Variants in INPP5F observed in about 807,000 individuals in gnomAD.
INPP5F encodes inositol polyphosphate-5-phosphatase F, also known as phosphatidylinositide 4-phosphatase SAC2.
In INPP5F, 97 loss-of-function variants were observed where a neutral mutation model predicts 137.2. The observed-to-expected ratio is 0.71, with a 90% CI of 0.60 to 0.84. The LOEUF is 0.84. Ranked by LOEUF, INPP5F falls within the 40% of genes least tolerant of loss-of-function variation. The pLI, the probability that INPP5F is intolerant of heterozygous loss-of-function variation, is 0.00. For missense variants in INPP5F, 1,271 were observed against 1,371.9 expected (o/e 0.93, Z 1.16); for synonymous variants, 504 against 476.9 (o/e 1.06, Z -0.74).
Position 119,828,956 on chromosome 10 carries a change from C to T in INPP5F, c.*1176C>T, listed in dbSNP as rs1851883751. 6.6e-6 allele frequency: 1 copy of T among 152,666 alleles called. No homozygotes were observed. Among genetic ancestry groups the T allele is most frequent in the South Asian group, 2.1e-4 (1 of 4,834 alleles). The allele number at this position is 152,666 out of a possible 1,614,324, so 9.5% of individuals were successfully genotyped here. Reference sequence around the variant, plus strand: ...TCCCCACAGTAAGAAAGTTGTATGGCATATTCCAACAAGTATTGGTTCGTC... The same window carrying T: ...TCCCCACAGTAAGAAAGTTGTATGGTATATTCCAACAAGTATTGGTTCGTC... On this transcript the variant is annotated 3_prime_UTR_variant, in exon 20 of 20. Transcript: ENST00000650623.
intron 2 of INPP5F, among the ~76,000 whole-genome samples, chr10:119,756,626 ACT>A (rs1298165600): frequency 2.0e-5 from 3 of 152,226 alleles, no homozygotes; most frequent in East Asian, 3.9e-4. Context: ...ACAGAGCAAG[ACT>A]CTGTCAAAAA....
Position 119,791,513 on chromosome 10 carries a change from T to G in INPP5F, c.316-4T>G. 6.3e-7 allele frequency: 1 copy of G among 1,592,122 alleles called. No individual in the cohort carries two copies. Among genetic ancestry groups the G allele is most frequent in the East Asian group, 2.2e-5 (1 of 44,732 alleles). ...TAACAAATCATCTTTCTCTTCCTATTTAGCTCTGTAAGAAGCATCATTTTG... is the reference window on the plus strand; with the variant it reads ...TAACAAATCATCTTTCTCTTCCTATGTAGCTCTGTAAGAAGCATCATTTTG... On this transcript the variant is annotated splice_polypyrimidine_tract_variant and splice_region_variant and intron_variant, in intron 3 of 19. Transcript: ENST00000650623.
chr10:119,780,862 G>A (rs1054374242), intron 2 of INPP5F, among the ~76,000 whole-genome samples: 7 of 152,160 alleles, frequency 4.6e-5, no homozygotes, highest in Admixed American at 3.3e-4. Context: ...ATGTGCATAG[G>A]TTATATACAA....
At chr10:119,815,688 G>A (rs1033695195) in intron 15 of INPP5F, 5 of 278,674 alleles carry the variant, frequency 1.8e-5, no homozygotes, top group Non-Finnish European at 3.6e-5. Flanking sequence ...AGGACAGCAG[G>A]AGTGTCTGAG....
At chr10:119,767,107 G>GAAAAAAAAAAAAAAAA (rs35875262) in intron 2 of INPP5F, among the ~76,000 whole-genome samples, 3 of 40,544 alleles carry the variant, frequency 7.4e-5, no homozygotes, top group Non-Finnish European at 1.2e-4. Context: ...TCTGTCTCCA[G>GAAAAAAAAAAAAAAAA]AAAAAAAAAA....
chr10:119,820,192 T>C (rs1015401241), intron 15 of INPP5F, among the ~76,000 whole-genome samples: 9 of 152,248 alleles, frequency 5.9e-5, no homozygotes, highest in Non-Finnish European at 1.0e-4. Flanking sequence ...TACTGTAGTT[T>C]TGGTTTCATG....
Position 119,785,535 on chromosome 10 carries a change from CGAGAGAGA to C in INPP5F, c.315+3801_315+3808del, listed in dbSNP as rs59804262. Among the ~76,000 whole-genome samples, 490 of 93,626 alleles carry C rather than the reference CGAGAGAGA, an allele frequency of 5.2e-3. 3 individuals are homozygous for C. The highest frequency in any genetic ancestry group is 9.0e-3 in the African/African-American group (228 of 25,412). 61.4% of individuals were successfully genotyped at this position (93,626 alleles called of 152,430 possible). A position where few individuals can be genotyped will look rare whatever the true frequency, so the allele number is the denominator to read the frequency against. On this transcript the variant is annotated intron_variant, in intron 3 of 19. Transcript: ENST00000650623. ...TGATCTCCTGACCTTGTGATCCGCTCGAGAGAGAGAGAGAGAGAGAGAGAGAGAGAGAG... is the reference window on the plus strand; with the variant it reads ...TGATCTCCTGACCTTGTGATCCGCTCGAGAGAGAGAGAGAGAGAGAGAGAG...
intron 3 of INPP5F, among the ~76,000 whole-genome samples, chr10:119,789,298 C>T (rs560150196): frequency 2.8e-4 from 43 of 151,702 alleles, no homozygotes; most frequent in Non-Finnish European, 4.7e-4. Flanking sequence ...ATCTGTAGCT[C>T]GGTTTTGAGC....
chr10:119,767,690 A>G (rs2134154367), intron 2 of INPP5F, among the ~76,000 whole-genome samples: 1 of 152,368 alleles, frequency 6.6e-6, no homozygotes, highest in Middle Eastern at 3.4e-3. Flanking sequence ...TGCCTTAGAG[A>G]TATGAATACA....
chr10:119,796,444 A>G (rs977867310), intron 6 of INPP5F, among the ~76,000 whole-genome samples: 1 of 152,210 alleles, frequency 6.6e-6, no homozygotes, highest in South Asian at 2.1e-4. Context: ...AGCGACGGCA[A>G]GGGTGACTCC....
intron 15 of INPP5F, chr10:119,819,191 T>G: frequency 5.1e-6 from 1 of 197,890 alleles, no homozygotes; most frequent in Non-Finnish European, 9.5e-6. Flanking sequence ...AGGGTTTTTG[T>G]CTTGTTTCTT....
intron 9 of INPP5F, among the ~76,000 whole-genome samples, chr10:119,798,976 A>T (rs1850492252): frequency 1.3e-5 from 2 of 152,016 alleles, no homozygotes; most frequent in African/African-American, 4.8e-5. Flanking sequence ...AAGAGGTTAG[A>T]TTGCTATCAA....
At chr10:119,796,663 A>G (rs1850395741) in intron 6 of INPP5F, 52 bp from the exon 7 acceptor site, 3 of 1,362,046 alleles carry the variant, frequency 2.2e-6, no homozygotes, top group Non-Finnish European at 3.2e-6. Context: ...GGTTTAAGAA[A>G]GTAGCAGTGC....
chr10:119,826,199 C>A (rs547495017), intron 19 of INPP5F, among the ~76,000 whole-genome samples: 16 of 152,332 alleles, frequency 1.1e-4, no homozygotes, highest in Admixed American at 7.8e-4. Context: ...CCGCACTGCT[C>A]ACAATGGTAG....
At chr10:119,767,353 CTGGAAAAGTA>C (rs1564816977) in intron 2 of INPP5F, among the ~76,000 whole-genome samples, 2 of 152,028 alleles carry the variant, frequency 1.3e-5, no homozygotes, top group East Asian at 3.8e-4. Context: ...TGTCCAGCAG[CTGGAAAAGTA>C]CAAATTTACA....
intron 2 of INPP5F, among the ~76,000 whole-genome samples, chr10:119,759,468 C>T (rs1848945984): frequency 6.6e-6 from 1 of 152,080 alleles, no homozygotes; most frequent in African/African-American, 2.4e-5. Flanking sequence ...TGGCTCACTG[C>T]AACCTCTGCC....
intron 8 of INPP5F, 129 bp from the exon 9 acceptor site, chr10:119,798,413 AT>A (rs1345436405): frequency 3.2e-5 from 19 of 599,742 alleles, no homozygotes; most frequent in Non-Finnish European, 4.6e-5. Context: ...TTTTTAAATG[AT>A]GGTTTTAGAC....
chr10:119,799,155 A>T (rs1443009797), intron 9 of INPP5F, among the ~76,000 whole-genome samples: 1 of 152,232 alleles, frequency 6.6e-6, no homozygotes, highest in Non-Finnish European at 1.5e-5. Flanking sequence ...GTATAAACCA[A>T]AATCAACTGA....
chr10:119,729,343 CGCCATGTCG>C (rs1217191844), intron 1 of INPP5F, among the ~76,000 whole-genome samples: 1 of 152,026 alleles, frequency 6.6e-6, no homozygotes, highest in Non-Finnish European at 1.5e-5. Flanking sequence ...GATAGGGTTT[CGCCATGTCG>C]GCCAGGCTGG....
Sources: gnomAD v4.1 joint callset for allele counts (sites outside exome capture counted in the v4.1 genomes callset) on GRCh38, gnomAD v4.1.1 for gene constraint, MANE v1.5 for transcripts, NCBI Gene and HGNC (gene_info 2026-07-23, HGNC 2026-07-21) for gene names.